Variants in TNN observed in about 807,000 individuals in gnomAD.
TNN encodes tenascin-N.
In TNN, 122 loss-of-function variants were observed where a neutral mutation model predicts 134.4. The ratio of observed to expected loss-of-function variants is 0.91; its 90% CI spans 0.78 to 1.06. The LOEUF (loss-of-function observed/expected upper bound fraction) is 1.06. Ranked by LOEUF, TNN falls within the 50% of genes least tolerant of loss-of-function variation. The pLI, the probability that TNN is intolerant of heterozygous loss-of-function variation, is 0.00. For missense variants in TNN, 1,739 were observed against 1,699.4 expected (o/e 1.02, Z -0.41); for synonymous variants, 710 against 670.3 (o/e 1.06, Z -0.91).
intron 4 of TNN, among the ~76,000 whole-genome samples, chr1:175,081,809 G>A (rs1674203618): frequency 6.6e-6 from 1 of 152,186 alleles, no homozygotes; most frequent in Non-Finnish European, 1.5e-5. Context: ...CCTGTGTTAG[G>A]TAATTTGGGG....
Position 175,098,507 on chromosome 1 carries a change from C to G in TNN, c.2031C>G (p.Gly677=). The G allele has an allele frequency of 6.2e-7, 1 of 1,614,118 alleles. No homozygotes were observed. The highest frequency in any genetic ancestry group is 8.5e-7 in the Non-Finnish European group (1 of 1,180,036). ...GKEQSSTVLT[G]LRPGMEYMVH... Reference sequence around the variant, plus strand: ...AGCAGAGCAGCACAGTCCTGACAGGCCTGAGACCGGGTATGGAGTACATGG... The same window carrying G: ...AGCAGAGCAGCACAGTCCTGACAGGGCTGAGACCGGGTATGGAGTACATGG... Residue 677 remains glycine (G), a synonymous_variant, in exon 9 of 19, where the codon GGC becomes GGG. Transcript: ENST00000239462.
intron 2 of TNN, among the ~76,000 whole-genome samples, chr1:175,078,611 G>T (rs1029136055): frequency 6.6e-6 from 1 of 152,164 alleles, no homozygotes. Flanking sequence ...TGAATAACCA[G>T]CATGGACTTG....
At position 175,093,177 on chromosome 1, in the gene TNN, C is replaced by T. The variant is rs1674492625; in HGVS notation, c.1325-813C>T. ...CTCACTTCCCTGGCCTCCCCTCCAGCCGCTTGACTTAACTCTGTCTAGATG... is the reference window on the plus strand; with the variant it reads ...CTCACTTCCCTGGCCTCCCCTCCAGTCGCTTGACTTAACTCTGTCTAGATG... On this transcript the variant is annotated intron_variant, in intron 6 of 18. Transcript: ENST00000239462. Among the ~76,000 whole-genome samples the T allele has an allele frequency of 2.0e-5, 3 of 152,360 alleles. No individual in the cohort carries two copies. The South Asian group carries it at 6.2e-4, about 32-fold the overall frequency.
At chr1:175,135,820 G>C in intron 15 of TNN, 25 bp from the exon 16 acceptor site, 1 of 1,583,668 alleles carries the variant, frequency 6.3e-7, no homozygotes, top group Non-Finnish European at 8.7e-7. Context: ...GAGGGTCAGA[G>C]TGAAGTATTC....
At chr1:175,133,963 A>G (rs936742905) in intron 15 of TNN, among the ~76,000 whole-genome samples, 5 of 152,250 alleles carry the variant, frequency 3.3e-5, no homozygotes, top group African/African-American at 1.2e-4. Context: ...CCCACACACA[A>G]AAGGCTCCCA....
chr1:175,133,730 T>A (rs116260530), intron 15 of TNN, among the ~76,000 whole-genome samples: 3 of 152,288 alleles, frequency 2.0e-5, no homozygotes, highest in African/African-American at 7.2e-5. Flanking sequence ...GTCCCATGCT[T>A]CTCTGTACTA....
chr1:175,125,665 C>CCT (rs1675490904), intron 12 of TNN, among the ~76,000 whole-genome samples: 4 of 98,340 alleles, frequency 4.1e-5, no homozygotes, highest in Non-Finnish European at 8.8e-5. Context: ...TTCCTTCCTT[C>CCT]TCTCCCTCCC....
At chr1:175,127,663 A>G (rs781440650) in intron 13 of TNN, among the ~76,000 whole-genome samples, 3 of 152,156 alleles carry the variant, frequency 2.0e-5, no homozygotes, top group Non-Finnish European at 2.9e-5. Flanking sequence ...CACCTCCCCT[A>G]TTAATTTCTC....
At chr1:175,116,388 A>G (rs1675166895) in intron 9 of TNN, among the ~76,000 whole-genome samples, 2 of 152,162 alleles carry the variant, frequency 1.3e-5, no homozygotes, top group South Asian at 4.1e-4. Flanking sequence ...TTACAGAGCT[A>G]CTCAGAGTGA....
intron 1 of TNN, 107 bp from the exon 2 acceptor site, chr1:175,077,277 T>C: frequency 1.2e-6 from 1 of 847,566 alleles, no homozygotes; most frequent in Non-Finnish European, 1.9e-6. Flanking sequence ...AATGAGTTCT[T>C]TCTGCTGGTT....
chr1:175,090,761 TTGAAG>T (rs1218325961), intron 6 of TNN, among the ~76,000 whole-genome samples: 1 of 152,222 alleles, frequency 6.6e-6, no homozygotes, highest in African/African-American at 2.4e-5. Context: ...TTAGATCTCT[TTGAAG>T]TGAAGTGCAC....
At chr1:175,076,749 C>T (rs11584823) in intron 1 of TNN, among the ~76,000 whole-genome samples, 1 of 152,108 alleles carries the variant, frequency 6.6e-6, no homozygotes, top group African/African-American at 2.4e-5. Context: ...TGCAAAGCAG[C>T]ATGGCATTGT....
intron 9 of TNN, among the ~76,000 whole-genome samples, chr1:175,112,596 A>AGCTTT: frequency 1.2e-4 from 1 of 8,080 alleles, no homozygotes; most frequent in South Asian, 4.8e-3. Context: ...CAGCCGGCCG[A>AGCTTT]TCTTTTTTTT....
In TNN at chr1:175,079,815, C is replaced by G. The variant is rs138768567; in HGVS notation, c.784+108C>G. 711 of 1,398,510 alleles carry G rather than the reference C, an allele frequency of 5.1e-4. 6 individuals are homozygous for G. In the Admixed American group the frequency reaches 0.018, roughly 35 times the overall value. 86.6% of individuals were successfully genotyped at this position (1,398,510 alleles called of 1,614,324 possible). A position where few individuals can be genotyped will look rare whatever the true frequency, so the allele number is the denominator to read the frequency against. ...TGGGGGTCTCTTCCTTTAGCCTACG[C>G]CAGATTGCTGAGTCCCAACCCCAGA... On this transcript the variant is annotated intron_variant, in intron 3 of 18. Transcript: ENST00000239462.
At chr1:175,118,020 G>A (rs1035888175) in intron 10 of TNN, among the ~76,000 whole-genome samples, 2 of 152,208 alleles carry the variant, frequency 1.3e-5, no homozygotes, top group Non-Finnish European at 2.9e-5. Context: ...GATTCCTTTA[G>A]TAATATATAG....
chr1:175,105,637 C>G lies in TNN; in HGVS notation c.2119+7042C>G, dbSNP rs184138919. 5.5e-5 allele frequency among the ~76,000 whole-genome samples: 8 copies of G among 145,690 alleles called. 1 individual carries two copies. The South Asian group carries it at 1.8e-3, about 34-fold the overall frequency. ...GGATAGTATTGTAATTTGTGCTTCCCTCAGGTGGCCATTTTTCCCCATCAG... is the reference window on the plus strand; with the variant it reads ...GGATAGTATTGTAATTTGTGCTTCCGTCAGGTGGCCATTTTTCCCCATCAG... On this transcript the variant is annotated intron_variant, in intron 9 of 18. Coordinates refer to ENST00000239462, the MANE Select transcript of TNN (RefSeq NM_022093.2).
chr1:175,103,974 C>G (rs1674792296), intron 9 of TNN, among the ~76,000 whole-genome samples: 1 of 145,734 alleles, frequency 6.9e-6, no homozygotes, highest in Non-Finnish European at 1.5e-5. Context: ...ATTCCCTCCT[C>G]AAGTAGGGGA....
At chr1:175,134,089 T>A (rs887487336) in intron 15 of TNN, among the ~76,000 whole-genome samples, 3 of 152,160 alleles carry the variant, frequency 2.0e-5, no homozygotes, top group African/African-American at 7.2e-5. Flanking sequence ...TGAGACTCAG[T>A]GAACTCCTAG....
In TNN at chr1:175,079,698, T is replaced by C. The variant is rs535429156; in HGVS notation, c.775T>C (p.Cys259Arg). 3 of 1,596,378 alleles carry C rather than the reference T, an allele frequency of 1.9e-6. No individual in the cohort carries two copies. Among genetic ancestry groups the C allele is most frequent in the African/African-American group, 2.7e-5 (2 of 74,770 alleles). ...CGAGGAGGGCTTCACAGGCCTGGAC[T>C]GTGCCCAGGGTGAGAGCGGAGATGT... ...YCEEGFTGLD[C>R]AQVVTPQGLQ... The change falls in exon 3 of 19, where the codon TGT (cysteine) becomes CGT (arginine). Residue 259 changes from cysteine to arginine, a missense_variant. Cys to Arg is a radical substitution (Grantham distance 180, BLOSUM62 -3). Transcript: ENST00000239462.
Sources: allele counts gnomAD v4.1 joint callset (sites outside exome capture counted in the v4.1 genomes callset), GRCh38; gene constraint gnomAD v4.1.1; transcripts MANE v1.5; gene names NCBI Gene and HGNC (gene_info 2026-07-23, HGNC 2026-07-21).